Variants in LSAMP observed in about 807,000 individuals in gnomAD.
LSAMP encodes limbic system associated membrane protein.
A neutral mutation model predicts 38.6 loss-of-function variants in LSAMP; 7 were observed. That is an observed-to-expected ratio of 0.18 (90% confidence interval 0.10 to 0.34). The LOEUF is 0.34. LSAMP is among the 10% of genes least tolerant of loss of function. The probability of loss-of-function intolerance (pLI) is 1.00; values close to 1 mark genes in which losing one functional copy is unlikely to be tolerated. For missense variants in LSAMP, 313 were observed against 420.0 expected (o/e 0.75, Z 2.23); for synonymous variants, 154 against 166.8 (o/e 0.92, Z 0.59).
intron 3 of LSAMP, among the ~76,000 whole-genome samples, chr3:115,881,252 CA>C (rs1410921977): frequency 6.6e-6 from 1 of 151,998 alleles, no homozygotes; most frequent in Admixed American, 6.6e-5. Context: ...TGCACATAAC[CA>C]TTGCTCTTTG....
chr3:116,186,901 G>A (rs1239672454), intron 1 of LSAMP, among the ~76,000 whole-genome samples: 1 of 152,086 alleles, frequency 6.6e-6, no homozygotes, highest in African/African-American at 2.4e-5. Context: ...GGTCAGCATA[G>A]AAGAAAGGCC....
intron 1 of LSAMP, among the ~76,000 whole-genome samples, chr3:116,105,101 A>G (rs148461667): frequency 1.4e-4 from 22 of 152,140 alleles, no homozygotes; most frequent in African/African-American, 4.6e-4. Context: ...TGACTTGGGT[A>G]TAGGATAGTT....
intron 1 of LSAMP, among the ~76,000 whole-genome samples, chr3:116,319,673 A>AGCCT (rs1368639859): frequency 7.2e-5 from 11 of 152,184 alleles, no homozygotes; most frequent in Non-Finnish European, 1.3e-4. Flanking sequence ...GCACCTCTCT[A>AGCCT]AAGGTCAGCT....
intron 1 of LSAMP, among the ~76,000 whole-genome samples, chr3:116,267,899 AG>A (rs2046913336): frequency 1.3e-5 from 2 of 152,214 alleles, no homozygotes; most frequent in Admixed American, 6.5e-5. Context: ...TGTAAGTAAA[AG>A]TCAATGGAGA....
intron 1 of LSAMP, among the ~76,000 whole-genome samples, chr3:116,233,865 C>T (rs775440732): frequency 1.1e-4 from 16 of 151,996 alleles, no homozygotes; most frequent in Non-Finnish European, 2.2e-4. Flanking sequence ...CAATTTTTAA[C>T]AGTCACATGG....
At chr3:115,882,072 C>A (rs1027389031) in intron 3 of LSAMP, among the ~76,000 whole-genome samples, 1 of 152,094 alleles carries the variant, frequency 6.6e-6, no homozygotes, top group African/African-American at 2.4e-5. Flanking sequence ...CTCTGCAGTG[C>A]TATTTACAAT....
intron 1 of LSAMP, among the ~76,000 whole-genome samples, chr3:116,419,391 T>C (rs2049093249): frequency 6.6e-6 from 1 of 152,210 alleles, no homozygotes; most frequent in South Asian, 2.1e-4. Context: ...AGTTATAGAA[T>C]AGATAATCCC....
chr3:116,039,562 G>C (rs1288935475), intron 2 of LSAMP, among the ~76,000 whole-genome samples: 1 of 152,218 alleles, frequency 6.6e-6, no homozygotes, highest in Non-Finnish European at 1.5e-5. Context: ...GCTTCCAGTA[G>C]CATTAGGGTT....
At chr3:116,008,426 A>G (rs1553759063) in intron 3 of LSAMP, among the ~76,000 whole-genome samples, 1 of 152,074 alleles carries the variant, frequency 6.6e-6, no homozygotes, top group Non-Finnish European at 1.5e-5. Flanking sequence ...TCATTATCTC[A>G]TTTGATCCCT....
At chr3:116,137,573 GT>G (rs773910020) in intron 1 of LSAMP, among the ~76,000 whole-genome samples, 13 of 152,074 alleles carry the variant, frequency 8.5e-5, no homozygotes, top group Admixed American at 2.0e-4. Flanking sequence ...TTGAGAAATA[GT>G]GAAACATAAT....
rs111972218 is a variant in LSAMP at position 116,444,811 on chromosome 3, A to ACAAAC, written c.155+65_155+66insGTTTG. On this transcript the variant is annotated intron_variant, in intron 1 of 6. Transcript: ENST00000490035. Reference sequence around the variant, plus strand: ...AGACACACACACACACACACACACAAACACACACACACACACACACACACG... The same window carrying ACAAAC: ...AGACACACACACACACACACACACAACAAACACACACACACACACACACACACACG... 4.5e-5 allele frequency: 32 copies of ACAAAC among 713,822 alleles called. No individual in the cohort carries two copies. In the Admixed American group the frequency reaches 6.0e-4, roughly 13 times the overall value. The allele number at this position is 713,822 out of a possible 1,614,324, so 44.2% of individuals were successfully genotyped here. A position where few individuals can be genotyped will look rare whatever the true frequency, so the allele number is the denominator to read the frequency against.
At chr3:116,184,630 C>T (rs1004070165) in intron 1 of LSAMP, among the ~76,000 whole-genome samples, 2 of 151,862 alleles carry the variant, frequency 1.3e-5, no homozygotes, top group African/African-American at 4.8e-5. Context: ...GTTGCAGGTA[C>T]CTGCAGGCAC....
rs112581134 is a variant in LSAMP, at chr3:116,208,579, C to T, written c.156-122023G>A. 4.3e-3 allele frequency among the ~76,000 whole-genome samples: 658 copies of T among 152,242 alleles called. 6 individuals are homozygous for T. The highest frequency in any genetic ancestry group is 0.015 in the African/African-American group (618 of 41,522). On this transcript the variant is annotated intron_variant, in intron 1 of 6. Coordinates refer to ENST00000490035, the MANE Select transcript of LSAMP (RefSeq NM_002338.5). ...GATGGTGATGTACAGATGGGTTTTTCGTGTGGATGTCCTTTCTATTTGTTA... is the reference window on the plus strand; with the variant it reads ...GATGGTGATGTACAGATGGGTTTTTTGTGTGGATGTCCTTTCTATTTGTTA...
intron 3 of LSAMP, among the ~76,000 whole-genome samples, chr3:115,913,783 G>A (rs1282017836): frequency 1.3e-5 from 2 of 152,102 alleles, no homozygotes; most frequent in Non-Finnish European, 1.5e-5. Context: ...TCTTCCATAA[G>A]AAGGGGACCT....
intron 1 of LSAMP, among the ~76,000 whole-genome samples, chr3:116,257,934 C>G (rs1004524352): frequency 2.0e-5 from 3 of 151,998 alleles, no homozygotes; most frequent in African/African-American, 7.2e-5. Flanking sequence ...TTTGACTTTC[C>G]TTAATGACTC....
intron 1 of LSAMP, among the ~76,000 whole-genome samples, chr3:116,212,549 TAAAAC>T (rs1360819820): frequency 9.4e-6 from 1 of 106,338 alleles, no homozygotes; most frequent in African/African-American, 2.8e-5. Flanking sequence ...AGAGATAAAA[TAAAAC>T]TTCAAAAAAA....
chr3:116,370,253 A>G (rs1023903323), intron 1 of LSAMP, among the ~76,000 whole-genome samples: 4 of 152,200 alleles, frequency 2.6e-5, no homozygotes, highest in Non-Finnish European at 5.9e-5. Flanking sequence ...GCTGTAAGGA[A>G]GGAGTCTATA....
intron 2 of LSAMP, among the ~76,000 whole-genome samples, chr3:116,034,914 C>T (rs188256714): frequency 4.6e-5 from 7 of 152,238 alleles, no homozygotes; most frequent in Admixed American, 2.0e-4. Flanking sequence ...ACCAAAGAAA[C>T]GTAAAAGAAT....
At chr3:116,126,807 A>C (rs532496958) in intron 1 of LSAMP, among the ~76,000 whole-genome samples, 1 of 152,332 alleles carries the variant, frequency 6.6e-6, no homozygotes, top group African/African-American at 2.4e-5. Context: ...GGTTGCAGTG[A>C]GCTGAGATCA....
Sources: gnomAD v4.1 joint callset for allele counts (sites outside exome capture counted in the v4.1 genomes callset) on GRCh38, gnomAD v4.1.1 for gene constraint, MANE v1.5 for transcripts, NCBI Gene and HGNC (gene_info 2026-07-23, HGNC 2026-07-21) for gene names.